The following NR3C1 variants were observed in gnomAD, a reference collection of about 807,000 sequenced individuals.
The protein encoded by NR3C1 is glucocorticoid receptor.
In NR3C1, 14 loss-of-function variants were observed where a neutral mutation model predicts 74.0. The ratio of observed to expected loss-of-function variants is 0.19; its 90% CI spans 0.12 to 0.30. The LOEUF is 0.30. Among genes scored for constraint, NR3C1 ranks in the 10% least tolerant of loss-of-function variants. The pLI is 1.00. For missense variants in NR3C1, 695 were observed against 909.8 expected (o/e 0.76, Z 3.04); for synonymous variants, 308 against 332.5 (o/e 0.93, Z 0.80).
chr5:143,430,498 C>T lies in NR3C1; in HGVS notation c.-14+4034G>A, dbSNP rs75653710. 9.0e-3 allele frequency among the ~76,000 whole-genome samples: 1,367 copies of T among 152,298 alleles called. 20 individuals are homozygous for T. The highest frequency in any genetic ancestry group is 0.032 in the African/African-American group (1,311 of 41,554). Reference sequence around the variant, plus strand: ...TGTTTGTGTCTCCCCAAAATTCATACGTTGAAATCCTAACCCCCAATATGA... The same window carrying T: ...TGTTTGTGTCTCCCCAAAATTCATATGTTGAAATCCTAACCCCCAATATGA... On this transcript the variant is annotated intron_variant, in intron 1 of 8. Coordinates refer to the NR3C1 transcript ENST00000343796.
At chr5:143,363,394 A>G (rs937562576) in intron 2 of NR3C1, among the ~76,000 whole-genome samples, 4 of 152,166 alleles carry the variant, frequency 2.6e-5, no homozygotes, top group African/African-American at 9.7e-5. Context: ...GTATACAAAG[A>G]AACGAAGTAC....
At chr5:143,340,329 C>G (rs1019399487) in intron 2 of NR3C1, among the ~76,000 whole-genome samples, 3 of 150,770 alleles carry the variant, frequency 2.0e-5, no homozygotes, top group African/African-American at 7.3e-5. Context: ...CAATGCAATA[C>G]CAATCATAAT....
intron 2 of NR3C1, among the ~76,000 whole-genome samples, chr5:143,354,627 C>T (rs936811557): frequency 6.6e-6 from 1 of 151,966 alleles, no homozygotes; most frequent in African/African-American, 2.4e-5. Flanking sequence ...GTTTATGGTG[C>T]CTGAAAACAA....
intron 1 of NR3C1, among the ~76,000 whole-genome samples, chr5:143,423,551 A>G (rs1364429500): frequency 6.6e-6 from 1 of 152,096 alleles, no homozygotes; most frequent in Non-Finnish European, 1.5e-5. Context: ...GAAGGTTCCT[A>G]AAAACAACAA....
chr5:143,329,268 C>T (rs966895037), intron 2 of NR3C1, among the ~76,000 whole-genome samples: 3 of 152,230 alleles, frequency 2.0e-5, no homozygotes, highest in South Asian at 4.1e-4. Context: ...AGATGTTTTG[C>T]GATCTCCCAC....
chr5:143,288,773 C>G (rs972060928), intron 7 of NR3C1, among the ~76,000 whole-genome samples: 2 of 151,968 alleles, frequency 1.3e-5, no homozygotes, highest in African/African-American at 4.8e-5. Context: ...ACACCCAGCC[C>G]CAAAAGACTT....
At chr5:143,294,993 C>T in intron 7 of NR3C1, 3 of 985,418 alleles carry the variant, frequency 3.0e-6, no homozygotes, top group Middle Eastern at 5.2e-4. Context: ...ATCCAGCTCC[C>T]ATGCTATGTT....
At chr5:143,426,539 C>T (rs901019015) in intron 1 of NR3C1, among the ~76,000 whole-genome samples, 2 of 152,088 alleles carry the variant, frequency 1.3e-5, no homozygotes, top group African/African-American at 4.8e-5. Context: ...GCATTCTAGT[C>T]GAAAAGTTAA....
At chr5:143,385,031 T>C (rs1836934654) in intron 2 of NR3C1, among the ~76,000 whole-genome samples, 1 of 152,216 alleles carries the variant, frequency 6.6e-6, no homozygotes, top group African/African-American at 2.4e-5. Context: ...GCCTCAACTC[T>C]TGCCTTCTGC....
chr5:143,359,271 T>C (rs1288864941), intron 2 of NR3C1, among the ~76,000 whole-genome samples: 2 of 152,198 alleles, frequency 1.3e-5, no homozygotes, highest in Non-Finnish European at 2.9e-5. Flanking sequence ...GACTGTAACA[T>C]ATGTCTCACC....
In NR3C1 at chr5:143,402,817, A is replaced by G. The variant is rs1299544652; in HGVS notation, c.-14+394T>C. The G allele has an allele frequency of 3.7e-5, 36 of 985,214 alleles. 1 individual carries two copies. In the Admixed American group the frequency reaches 2.2e-3, roughly 61 times the overall value. The allele number at this position is 985,214 out of a possible 1,614,324, so 61.0% of individuals were successfully genotyped here. The stretch of plus-strand genomic sequence containing the variant: ...AAATATTCGGGCGAGTAAAATTCAG[A>G]CGCGGCTTAGCGTTCACCACGAAAA... On this transcript the variant is annotated intron_variant, in intron 1 of 8. Coordinates refer to ENST00000394464, the MANE Select transcript of NR3C1 (RefSeq NM_000176.3).
At chr5:143,368,270 T>TAAAA (rs1201673756) in intron 2 of NR3C1, among the ~76,000 whole-genome samples, 1 of 152,140 alleles carries the variant, frequency 6.6e-6, no homozygotes, top group African/African-American at 2.4e-5. Context: ...ATGTAAGAGC[T>TAAAA]AAAACTATAA....
At chr5:143,324,051 C>T (rs990066723) in intron 2 of NR3C1, among the ~76,000 whole-genome samples, 6 of 152,200 alleles carry the variant, frequency 3.9e-5, no homozygotes, top group African/African-American at 1.4e-4. Flanking sequence ...CATTGAGTGT[C>T]TGTGGCTTTT....
chr5:143,425,932 C>T (rs758977737), intron 1 of NR3C1, among the ~76,000 whole-genome samples: 1 of 152,138 alleles, frequency 6.6e-6, no homozygotes, highest in African/African-American at 2.4e-5. Context: ...ACGTTCATAA[C>T]AACATTATTC....
chr5:143,337,095 G>C (rs1255661461), intron 2 of NR3C1, among the ~76,000 whole-genome samples: 3 of 152,056 alleles, frequency 2.0e-5, no homozygotes, highest in Non-Finnish European at 4.4e-5. Flanking sequence ...AAAGAATTAG[G>C]CTAAATCTAA....
At chr5:143,339,889 T>C (rs1340263265) in intron 2 of NR3C1, among the ~76,000 whole-genome samples, 1 of 152,188 alleles carries the variant, frequency 6.6e-6, no homozygotes, top group Non-Finnish European at 1.5e-5. Flanking sequence ...CAGAACTTCA[T>C]GGACCTGAGA....
chr5:143,343,853 C>A (rs770049389), intron 2 of NR3C1, among the ~76,000 whole-genome samples: 2 of 152,176 alleles, frequency 1.3e-5, no homozygotes, highest in Admixed American at 1.3e-4. Context: ...TATCACTATG[C>A]TCTTTCAAAT....
At chr5:143,395,763 C>A (rs995941746) in intron 2 of NR3C1, among the ~76,000 whole-genome samples, 6 of 151,826 alleles carry the variant, frequency 4.0e-5, no homozygotes, top group African/African-American at 1.4e-4. Context: ...GTTTCAGTCA[C>A]CTGCAGGCCA....
rs188966000 is a variant in NR3C1, at chr5:143,420,100, A to C, written c.-14+14432T>G. Among the ~76,000 whole-genome samples, 385 of 152,336 alleles carry C rather than the reference A, an allele frequency of 2.5e-3. 1 individual carries two copies. The highest frequency in any genetic ancestry group is 6.1e-3 in the Admixed American group (93 of 15,306). ...TCACCGGCGGTCAGAGTTTAAGGTT[A>C]TCTCTCTTATTACCTGAACAATTGC... is the stretch of plus-strand genomic sequence containing the variant. On this transcript the variant is annotated intron_variant, in intron 1 of 8. Coordinates refer to the NR3C1 transcript ENST00000343796.
Sources: gnomAD v4.1 joint callset for allele counts (sites outside exome capture counted in the v4.1 genomes callset) on GRCh38, gnomAD v4.1.1 for gene constraint, MANE v1.5 for transcripts, NCBI Gene and HGNC (gene_info 2026-07-23, HGNC 2026-07-21) for gene names.